SORCS1: variants seen among roughly 807,000 people sequenced by gnomAD.
SORCS1 encodes VPS10 domain-containing receptor SorCS1.
Under a neutral mutation model 146.1 loss-of-function variants are expected in SORCS1, and 60 were observed. The ratio of observed to expected loss-of-function variants is 0.41; its 90% CI spans 0.33 to 0.51. The LOEUF is 0.51. Ranked by LOEUF, SORCS1 falls within the 20% of genes least tolerant of loss-of-function variation. The pLI, the probability that SORCS1 is intolerant of heterozygous loss-of-function variation, is 0.21. For missense variants in SORCS1, 1,352 were observed against 1,487.6 expected (o/e 0.91, Z 1.50); for synonymous variants, 637 against 584.0 (o/e 1.09, Z -1.31).
chr10:106,655,962 C>A (rs1281611372), intron 17 of SORCS1, among the ~76,000 whole-genome samples: 1 of 152,140 alleles, frequency 6.6e-6, no homozygotes, highest in Non-Finnish European at 1.5e-5. Flanking sequence ...GTTGGACCTG[C>A]GCTCTGAATA....
rs1846663941 is a variant in SORCS1, at chr10:106,607,225, C to T, written c.3106G>A (p.Val1036Ile). 1 of 1,614,122 alleles carries T rather than the reference C, an allele frequency of 6.2e-7. No homozygotes were observed. Among genetic ancestry groups the T allele is most frequent in the South Asian group, 1.1e-5 (1 of 91,078 alleles). Residue 1036 changes from valine to isoleucine, a missense_variant, in exon 23 of 26, where the codon GTC (valine) becomes ATC (isoleucine). Around this residue, in one of 3 missense-constraint regions of SORCS1, gnomAD observed 214 missense variants for 204.8 expected, o/e 1.05. Transcript: ENST00000263054. ...CCAGCTGGATCCTGATAGGGTAGGA[C>T]AAAGAGTTCAGCAGTGGTGGGTAAG... ...PGLPTTAELF[V>I]LPYQDPAGEN... is the part of the protein sequence containing the mutation.
At chr10:106,782,327 A>G (rs1306204268) in intron 3 of SORCS1, among the ~76,000 whole-genome samples, 3 of 152,204 alleles carry the variant, frequency 2.0e-5, no homozygotes, top group African/African-American at 7.2e-5. Flanking sequence ...GTGCAGTTGA[A>G]TGATCACAGC....
chr10:106,589,255 T>G (rs1845447067), intron 24 of SORCS1, among the ~76,000 whole-genome samples: 1 of 152,216 alleles, frequency 6.6e-6, no homozygotes, highest in Non-Finnish European at 1.5e-5. Flanking sequence ...GGCTTTTGCC[T>G]TCTCAAATAA....
intron 4 of SORCS1, among the ~76,000 whole-genome samples, chr10:106,764,227 T>A (rs775085685): frequency 1.4e-4 from 21 of 152,242 alleles, no homozygotes; most frequent in Non-Finnish European, 2.2e-4. Context: ...TTGCTCTATA[T>A]TCTCCACCTA....
intron 1 of SORCS1, among the ~76,000 whole-genome samples, chr10:107,042,074 C>G (rs1959169956): frequency 6.6e-6 from 1 of 152,132 alleles, no homozygotes; most frequent in Non-Finnish European, 1.5e-5. Context: ...GCTGTCAACC[C>G]TAAAATACAG....
intron 3 of SORCS1, among the ~76,000 whole-genome samples, chr10:106,813,836 C>T (rs1291449107): frequency 6.6e-6 from 1 of 152,072 alleles, no homozygotes; most frequent in East Asian, 1.9e-4. Flanking sequence ...CCTGTCATCC[C>T]TACTTACATT....
intron 1 of SORCS1, among the ~76,000 whole-genome samples, chr10:107,080,610 C>A (rs1242121975): frequency 6.6e-6 from 1 of 152,174 alleles, no homozygotes; most frequent in Non-Finnish European, 1.5e-5. Flanking sequence ...AGGCCTTCAG[C>A]AGTTCTGTAA....
At chr10:106,765,572 G>T (rs760352768) in intron 4 of SORCS1, among the ~76,000 whole-genome samples, 2 of 152,084 alleles carry the variant, frequency 1.3e-5, no homozygotes, top group African/African-American at 4.8e-5. Flanking sequence ...CCAGTTGGGT[G>T]GTAGGCACTG....
chr10:106,679,358 GA>G, intron 11 of SORCS1, 26 bp from the exon 12 acceptor site: 4 of 1,569,932 alleles, frequency 2.5e-6, no homozygotes, highest in Non-Finnish European at 1.7e-6. Flanking sequence ...TGCCATTAGT[GA>G]AAAGAACTTT....
chr10:107,157,765 C>A (rs753368199), intron 1 of SORCS1, among the ~76,000 whole-genome samples: 1 of 152,168 alleles, frequency 6.6e-6, no homozygotes, highest in Non-Finnish European at 1.5e-5. Flanking sequence ...CTTACTCCAT[C>A]CGTACAATCG....
Position 106,761,597 on chromosome 10 carries a change from C to T in SORCS1, c.950G>A (p.Arg317Lys). ...ATAAAGTGAGACTTACCAGTAGAACCTGTTTGGTACAACCCCTTCTTGGAT... is the reference window on the plus strand; with the variant it reads ...ATAAAGTGAGACTTACCAGTAGAACTTGTTTGGTACAACCCCTTCTTGGAT... ...QLIQEGVVPNRFYWSVMGSNK... is the reference protein window; with the variant it reads ...QLIQEGVVPNKFYWSVMGSNK... The change falls in exon 5 of 26, where the codon AGG becomes AAG. Residue 317 changes from arginine (R) to lysine (K), a missense_variant. Arg to Lys is a conservative substitution (Grantham distance 26, BLOSUM62 2). Transcript: ENST00000263054. 6.2e-7 allele frequency: 1 copy of T among 1,614,090 alleles called. No individual in the cohort carries two copies. Among genetic ancestry groups the T allele is most frequent in the East Asian group, 2.2e-5 (1 of 44,866 alleles).
intron 2 of SORCS1, among the ~76,000 whole-genome samples, chr10:106,927,780 A>C (rs1953141842): frequency 6.6e-6 from 1 of 152,174 alleles, no homozygotes; most frequent in East Asian, 1.9e-4. Context: ...GTGCATTCAC[A>C]AACCCTGAGC....
At chr10:106,951,976 G>A (rs1007051278) in intron 2 of SORCS1, among the ~76,000 whole-genome samples, 1 of 152,128 alleles carries the variant, frequency 6.6e-6, no homozygotes, top group Non-Finnish European at 1.5e-5. Context: ...TCCCTCCTCA[G>A]GAAAGGCCCT....
intron 1 of SORCS1, among the ~76,000 whole-genome samples, chr10:107,130,764 C>G (rs1014447984): frequency 6.6e-6 from 1 of 151,490 alleles, no homozygotes; most frequent in Non-Finnish European, 1.5e-5. Flanking sequence ...TCCTAGATTA[C>G]TCTTTTAATT....
chr10:106,795,142 G>C (rs1488111610), intron 3 of SORCS1, among the ~76,000 whole-genome samples: 1 of 152,182 alleles, frequency 6.6e-6, no homozygotes, highest in African/African-American at 2.4e-5. Context: ...GAATTCAATA[G>C]TCATGTAAAT....
At chr10:107,123,979 C>T (rs1966551138) in intron 1 of SORCS1, among the ~76,000 whole-genome samples, 1 of 149,616 alleles carries the variant, frequency 6.7e-6, no homozygotes, top group African/African-American at 2.5e-5. Flanking sequence ...CCCAGCTACT[C>T]GGGAGGCTGA....
chr10:107,145,272 G>A (rs1021485715), intron 1 of SORCS1, among the ~76,000 whole-genome samples: 33 of 152,246 alleles, frequency 2.2e-4, no homozygotes, highest in African/African-American at 7.2e-4. Flanking sequence ...TAGAAAAAGC[G>A]AATGTGACTG....
chr10:106,941,372 T>C (rs1954034051), intron 2 of SORCS1, among the ~76,000 whole-genome samples: 1 of 151,990 alleles, frequency 6.6e-6, no homozygotes, highest in Admixed American at 6.6e-5. Flanking sequence ...ATATACTTTT[T>C]CTGATGAGGA....
chr10:106,962,033 T>C (rs1027356722), intron 1 of SORCS1, among the ~76,000 whole-genome samples: 4 of 151,616 alleles, frequency 2.6e-5, no homozygotes, highest in Non-Finnish European at 4.4e-5. Flanking sequence ...CATCAGGAGG[T>C]TGGGGGGGTG....
Sources: gnomAD v4.1 joint callset for allele counts (sites outside exome capture counted in the v4.1 genomes callset) on GRCh38, gnomAD v4.1.1 for gene constraint, gnomAD v4.1.1 regional missense constraint, MANE v1.5 for transcripts, NCBI Gene and HGNC (gene_info 2026-07-23, HGNC 2026-07-21) for gene names.